The following GRIN3A variants were observed in gnomAD, a reference collection of about 807,000 sequenced individuals.
GRIN3A encodes the protein glutamate receptor ionotropic, NMDA 3A.
In GRIN3A, 47 loss-of-function variants were observed where a neutral mutation model predicts 92.4. The ratio of observed to expected loss-of-function variants is 0.51; its 90% confidence interval spans 0.40 to 0.65. GRIN3A has a LOEUF of 0.65. GRIN3A is among the 30% of genes least tolerant of loss of function. The pLI is 0.00. For missense variants in GRIN3A, 1,324 were observed against 1,393.1 expected, an observed-to-expected ratio of 0.95 and a Z score of 0.79; for synonymous variants, 527 against 540.6, an observed-to-expected ratio of 0.97 and a Z score of 0.35.
chr9:101,715,654 C>T (rs1442991426), intron 1 of GRIN3A, among the ~76,000 whole-genome samples: 4 of 152,064 alleles, frequency 2.6e-5, no homozygotes, highest in African/African-American at 9.7e-5. Flanking sequence ...TGTGGAGACT[C>T]ATAAAAGTTT....
At chr9:101,713,323 G>A (rs1829904814) in intron 1 of GRIN3A, among the ~76,000 whole-genome samples, 1 of 152,220 alleles carries the variant, frequency 6.6e-6, no homozygotes, top group African/African-American at 2.4e-5. Context: ...GGAACTGACA[G>A]CTGTGTTATT....
intron 2 of GRIN3A, among the ~76,000 whole-genome samples, chr9:101,685,677 G>A (rs1480953339): frequency 6.6e-6 from 1 of 151,418 alleles, no homozygotes. Flanking sequence ...TGAGGAACCG[G>A]AGCAGAAATG....
At chr9:101,602,889 G>A (rs1444214676) in intron 6 of GRIN3A, 1 of 152,134 alleles carries the variant, frequency 6.6e-6, no homozygotes, top group Non-Finnish European at 1.5e-5. Flanking sequence ...TGTAGGTCTT[G>A]GGCCTGTTCA....
intron 1 of GRIN3A, among the ~76,000 whole-genome samples, chr9:101,698,470 A>G (rs888929940): frequency 1.3e-5 from 2 of 152,172 alleles, no homozygotes; most frequent in Admixed American, 1.3e-4. Flanking sequence ...AGGTAATTTC[A>G]TCATATGAAC....
chr9:101,661,390 A>G (rs1829169775), intron 3 of GRIN3A, among the ~76,000 whole-genome samples: 1 of 151,870 alleles, frequency 6.6e-6, no homozygotes, highest in African/African-American at 2.4e-5. Flanking sequence ...TATTTTATAT[A>G]CGTTGCATTA....
chr9:101,673,627 A>G (rs540901275), intron 2 of GRIN3A, among the ~76,000 whole-genome samples: 10 of 152,276 alleles, frequency 6.6e-5, no homozygotes, highest in South Asian at 6.2e-4. Flanking sequence ...TAAATTAGTT[A>G]AAATATCAAA....
intron 3 of GRIN3A, 36 bp downstream of exon 3, chr9:101,670,024 G>T (rs778611132): frequency 4.2e-6 from 6 of 1,415,884 alleles, no homozygotes. Flanking sequence ...AATTATAATG[G>T]ACAATCAAGA....
chr9:101,716,012 T>A (rs1359525443), intron 1 of GRIN3A, among the ~76,000 whole-genome samples: 4 of 152,226 alleles, frequency 2.6e-5, no homozygotes, highest in Non-Finnish European at 2.9e-5. Context: ...TAGAGCAATG[T>A]AGCCCAGACT....
chr9:101,596,777 G>A (rs1828139137), intron 6 of GRIN3A, among the ~76,000 whole-genome samples: 1 of 152,196 alleles, frequency 6.6e-6, no homozygotes, highest in African/African-American at 2.4e-5. Context: ...TAATTTGTTG[G>A]AAGAATCTCA....
intron 8 of GRIN3A, among the ~76,000 whole-genome samples, chr9:101,576,055 T>C (rs1827822087): frequency 6.6e-6 from 1 of 152,226 alleles, no homozygotes; most frequent in South Asian, 2.1e-4. Context: ...TGACAAATGC[T>C]GAGTGTAAGA....
At chr9:101,716,720 T>C (rs1425684289) in intron 1 of GRIN3A, among the ~76,000 whole-genome samples, 2 of 152,200 alleles carry the variant, frequency 1.3e-5, no homozygotes. Context: ...TGGCTAATAC[T>C]TGTCTGCTTT....
chr9:101,588,832 T>C (rs1827982935), intron 6 of GRIN3A, among the ~76,000 whole-genome samples: 1 of 152,030 alleles, frequency 6.6e-6, no homozygotes, highest in African/African-American at 2.4e-5. Flanking sequence ...TTATTAACTT[T>C]AGTTGCCTAA....
intron 1 of GRIN3A, among the ~76,000 whole-genome samples, chr9:101,716,546 T>C (rs928598850): frequency 6.6e-6 from 1 of 152,196 alleles, no homozygotes; most frequent in Admixed American, 6.5e-5. Flanking sequence ...TAGAGCCTTT[T>C]TTCTTTCTTG....
At chr9:101,691,301 C>A (rs1436591557) in intron 1 of GRIN3A, among the ~76,000 whole-genome samples, 2 of 151,996 alleles carry the variant, frequency 1.3e-5, no homozygotes, top group Non-Finnish European at 2.9e-5. Flanking sequence ...CAATATGTAA[C>A]TAACTATATG....
chr9:101,688,956 C>G (rs10512286), intron 1 of GRIN3A, among the ~76,000 whole-genome samples: 27,005 of 152,108 alleles, frequency 0.18, 2,991 homozygotes, highest in Non-Finnish European at 0.25. Context: ...AACCAGGAGA[C>G]AGGATCCAAT....
At chr9:101,594,664 G>A in intron 6 of GRIN3A, 1 of 1,614,126 alleles carries the variant, frequency 6.2e-7, no homozygotes, top group South Asian at 1.1e-5. Context: ...GCTCCTCGTC[G>A]CCCTTGACGC....
intron 8 of GRIN3A, among the ~76,000 whole-genome samples, chr9:101,574,288 C>T (rs1466481545): frequency 6.6e-6 from 1 of 152,178 alleles, no homozygotes; most frequent in Non-Finnish European, 1.5e-5. Flanking sequence ...AAGGCTGATC[C>T]TGTTTCTGAA....
chr9:101,675,343 A>G (rs1829381013), intron 2 of GRIN3A, among the ~76,000 whole-genome samples: 1 of 152,060 alleles, frequency 6.6e-6, no homozygotes, highest in Non-Finnish European at 1.5e-5. Flanking sequence ...TGTTTTTGAG[A>G]CAGTTCACAG....
rs547599659 is a variant in GRIN3A, at chr9:101,576,749, C to T, written c.3008+1019G>A. On this transcript the variant is annotated intron_variant, in intron 8 of 8. Coordinates refer to ENST00000361820, the MANE Select transcript of GRIN3A (RefSeq NM_133445.3). ...CAATATGATGCAGGAATACCACAGA[C>T]TGAGAGGGGAGGGGAGAGTGCTCAT... 1.1e-4 allele frequency among the ~76,000 whole-genome samples: 16 copies of T among 152,168 alleles called. No individual in the cohort carries two copies. The South Asian group carries it at 3.1e-3, about 30-fold the overall frequency.
Sources: allele counts gnomAD v4.1 joint callset (sites outside exome capture counted in the v4.1 genomes callset), GRCh38; gene constraint gnomAD v4.1.1; transcripts MANE v1.5; gene names NCBI Gene and HGNC (gene_info 2026-07-23, HGNC 2026-07-21).